Variants in AKIRIN2 observed in about 807,000 individuals in gnomAD.
The protein encoded by AKIRIN2 is akirin-2.
In AKIRIN2, 6 loss-of-function variants were observed where a neutral mutation model predicts 29.3. The observed-to-expected ratio is 0.20, with a 90% CI of 0.11 to 0.40. The LOEUF (loss-of-function observed/expected upper bound fraction) is 0.40. Among genes scored for constraint, AKIRIN2 ranks in the 10% least tolerant of loss-of-function variants. AKIRIN2 has a pLI of 1.00. For missense variants in AKIRIN2, 210 were observed against 276.1 expected (o/e 0.76, Z 1.70); for synonymous variants, 128 against 117.5 (o/e 1.09, Z -0.58).
intron 1 of AKIRIN2, among the ~76,000 whole-genome samples, chr6:87,694,401 G>T (rs1771326985): frequency 6.6e-6 from 1 of 152,154 alleles, no homozygotes. Flanking sequence ...AGCATAAAGT[G>T]CTAGCTAATA....
intron 1 of AKIRIN2, among the ~76,000 whole-genome samples, chr6:87,687,450 A>AAAAAAC (rs1554257469): frequency 2.0e-5 from 3 of 151,258 alleles, no homozygotes; most frequent in African/African-American, 2.4e-5. Context: ...AAAAAAAAAA[A>AAAAAAC]AAAAAACACA....
chr6:87,689,162 A>T (rs189044401), intron 1 of AKIRIN2, among the ~76,000 whole-genome samples: 43 of 152,304 alleles, frequency 2.8e-4, no homozygotes, highest in Non-Finnish European at 4.1e-4. Context: ...AAGCTGAAGA[A>T]CAAAACAATC....
chr6:87,699,536 C>CAA (rs373721525), intron 1 of AKIRIN2, among the ~76,000 whole-genome samples: 2 of 145,120 alleles, frequency 1.4e-5, no homozygotes, highest in African/African-American at 5.0e-5. Flanking sequence ...AAGTAGATGT[C>CAA]AAAAAAAAAA....
chr6:87,697,685 G>C (rs979425115), intron 1 of AKIRIN2, among the ~76,000 whole-genome samples: 3 of 152,208 alleles, frequency 2.0e-5, no homozygotes, highest in African/African-American at 7.2e-5. Context: ...TTGCAGGCAT[G>C]CATCAATGTC....
At chr6:87,699,202 T>G (rs1257998943) in intron 1 of AKIRIN2, among the ~76,000 whole-genome samples, 1 of 152,190 alleles carries the variant, frequency 6.6e-6, no homozygotes, top group African/African-American at 2.4e-5. Flanking sequence ...GAGAAAATTA[T>G]TTCCAAGTTT....
chr6:87,701,876 T>C lies in AKIRIN2; in HGVS notation c.-192A>G. The C allele has an allele frequency of 2.2e-6, 1 of 444,472 alleles. No homozygotes were observed. Among genetic ancestry groups the C allele is most frequent in the Non-Finnish European group, 3.9e-6 (1 of 254,102 alleles). 27.5% of individuals were successfully genotyped at this position (444,472 alleles called of 1,614,324 possible). A position where few individuals can be genotyped will look rare whatever the true frequency, so the allele number is the denominator to read the frequency against. ...GCCGCTGCCTCCGCGGCAGGGGCAG[T>C]GGCCAGGGACGGCCCGGGTGAGAGC... On this transcript the variant is annotated 5_prime_UTR_variant, in exon 1 of 5. Coordinates refer to ENST00000257787, the MANE Select transcript of AKIRIN2 (RefSeq NM_018064.4).
chr6:87,680,706 GCT>G (rs1321577192), intron 2 of AKIRIN2, among the ~76,000 whole-genome samples: 2 of 151,280 alleles, frequency 1.3e-5, no homozygotes, highest in Non-Finnish European at 2.9e-5. Flanking sequence ...ACTATTGATG[GCT>G]CTCTCTCAGC....
At chr6:87,697,185 C>T (rs1266244686) in intron 1 of AKIRIN2, among the ~76,000 whole-genome samples, 10 of 151,982 alleles carry the variant, frequency 6.6e-5, no homozygotes, top group Middle Eastern at 3.4e-3. Flanking sequence ...TGGTGGCGCA[C>T]GCCTGTAATC....
chr6:87,701,759 G>T lies in AKIRIN2; in HGVS notation c.-75C>A. 1 of 1,112,892 alleles carries T rather than the reference G, an allele frequency of 9.0e-7. No individual in the cohort carries two copies. Among genetic ancestry groups the T allele is most frequent in the Non-Finnish European group, 1.2e-6 (1 of 831,746 alleles). The allele number at this position is 1,112,892 out of a possible 1,614,324, so 68.9% of individuals were successfully genotyped here. A position where few individuals can be genotyped will look rare whatever the true frequency, so the allele number is the denominator to read the frequency against. ...ACGAAAGAAGAGGGTGAGGGAAGGG[G>T]TGAAGAGCGGGAACTCGAGGAGAGC... On this transcript the variant is annotated 5_prime_UTR_variant, in exon 1 of 5. Coordinates refer to ENST00000257787, the MANE Select transcript of AKIRIN2 (RefSeq NM_018064.4).
At position 87,675,055 on chromosome 6, in the gene AKIRIN2, C is replaced by CAAAAA. The variant is rs201210849; in HGVS notation, c.*537_*541dup. ...AAGACTGATAGAATAAATAAAACTA[C>CAAAAA]AAAAAAAAAAAAAATCATACAAACC... On this transcript the variant is annotated 3_prime_UTR_variant, in exon 5 of 5. Coordinates refer to ENST00000257787, the MANE Select transcript of AKIRIN2 (RefSeq NM_018064.4). 2 of 132,318 alleles carry CAAAAA rather than the reference C, an allele frequency of 1.5e-5. No homozygotes were observed. Among genetic ancestry groups the CAAAAA allele is most frequent in the African/African-American group, 5.4e-5 (2 of 37,110 alleles). 8.2% of individuals were successfully genotyped at this position (132,318 alleles called of 1,614,324 possible).
At position 87,675,019 on chromosome 6, in the gene AKIRIN2, C is replaced by T. The variant is rs1330896782; in HGVS notation, c.*578G>A. ...GGAAAAAAAAAAATGCAGCAATAAA[C>T]ATTTGTTAAAAAGACTGATAGAATA... is the stretch of plus-strand genomic sequence containing the variant. On this transcript the variant is annotated 3_prime_UTR_variant, in exon 5 of 5. Coordinates refer to ENST00000257787, the MANE Select transcript of AKIRIN2 (RefSeq NM_018064.4). 6.9e-6 allele frequency: 1 copy of T among 144,598 alleles called. No homozygotes were observed. The highest frequency in any genetic ancestry group is 2.2e-4 in the South Asian group (1 of 4,590). 9.0% of individuals were successfully genotyped at this position (144,598 alleles called of 1,614,324 possible).
chr6:87,680,433 T>C (rs1771099869), intron 2 of AKIRIN2, among the ~76,000 whole-genome samples: 1 of 151,926 alleles, frequency 6.6e-6, no homozygotes, highest in Non-Finnish European at 1.5e-5. Flanking sequence ...CCACCATGCC[T>C]AGCTAATTTT....
chr6:87,678,384 C>A (rs1444566823), intron 2 of AKIRIN2, among the ~76,000 whole-genome samples: 1 of 151,948 alleles, frequency 6.6e-6, no homozygotes. Context: ...CACCTGTAAT[C>A]CCAGCTACTC....
At chr6:87,681,330 C>T (rs985299085) in intron 2 of AKIRIN2, among the ~76,000 whole-genome samples, 2 of 152,208 alleles carry the variant, frequency 1.3e-5, no homozygotes, top group Admixed American at 1.3e-4. Flanking sequence ...GCATGAGCCA[C>T]CGTGCCTGGC....
At chr6:87,682,841 G>A (rs1461630458) in intron 1 of AKIRIN2, among the ~76,000 whole-genome samples, 3 of 152,086 alleles carry the variant, frequency 2.0e-5, no homozygotes, top group Non-Finnish European at 4.4e-5. Flanking sequence ...CTGTAACCCT[G>A]GCACTTTGGG....
chr6:87,681,650 C>G lies in AKIRIN2; in HGVS notation c.349G>C (p.Ala117Pro), dbSNP rs780083608. Reference sequence around the variant, plus strand: ...GAAGCTGGTCCACTGAGGAGAAATGCATGTGGCTGTGCATCAGAAGTACAA... The same window carrying G: ...GAAGCTGGTCCACTGAGGAGAAATGGATGTGGCTGTGCATCAGAAGTACAA... Reference protein sequence around the residue: ...PCCTSDAQPHAFLLSGPASPG... With the variant: ...PCCTSDAQPHPFLLSGPASPG... Residue 117 changes from alanine (A) to proline (P), a missense_variant, in exon 2 of 5, where the codon GCA becomes CCA. Physicochemically the swap from Ala to Pro is conservative, Grantham distance 27. Transcript: ENST00000257787. The G allele has an allele frequency of 6.2e-7, 1 of 1,611,952 alleles. No individual in the cohort carries two copies. The highest frequency in any genetic ancestry group is 1.1e-5 in the South Asian group (1 of 90,364).
chr6:87,687,039 A>AT lies in AKIRIN2; in HGVS notation c.236-5277_236-5276insA, dbSNP rs1251026878. The stretch of plus-strand genomic sequence containing the variant: ...CCAGCCAGGCGACAGAGCAAGACTT[A>AT]GACTCAAAAAAAAAAAAAAAAAAAA... On this transcript the variant is annotated intron_variant, in intron 1 of 4. Coordinates refer to ENST00000257787, the MANE Select transcript of AKIRIN2 (RefSeq NM_018064.4). Among the ~76,000 whole-genome samples, 8 of 134,580 alleles carry AT rather than the reference A, an allele frequency of 5.9e-5. No homozygotes were observed. In the Admixed American group the frequency reaches 6.1e-4, roughly 10 times the overall value. 88.3% of individuals were successfully genotyped at this position (134,580 alleles called of 152,430 possible).
Position 87,701,492 on chromosome 6 carries a change from C to G in AKIRIN2, c.193G>C (p.Glu65Gln). ...AASPQKYLRM[E>Q]PSPFGDVSSR... ...GAGACGTCGCCGAAGGGGGATGGCT[C>G]CATTCGGAGATACTTCTGCGGCGAG... The change falls in exon 1 of 5, where the codon GAG (glutamate) becomes CAG (glutamine). Residue 65 changes from glutamate to glutamine, a missense_variant. By Grantham distance (29) the Glu-to-Gln change is conservative (BLOSUM62 2). Around this residue, in one of 2 missense-constraint regions of AKIRIN2, gnomAD observed 199 missense variants for 236.5 expected, o/e 0.84. Transcript: ENST00000257787. The G allele has an allele frequency of 6.7e-7, 1 of 1,496,752 alleles. No homozygotes were observed. The highest frequency in any genetic ancestry group is 8.9e-7 in the Non-Finnish European group (1 of 1,128,592). 92.7% of individuals were successfully genotyped at this position (1,496,752 alleles called of 1,614,324 possible).
At chr6:87,694,974 AAT>A (rs1278156693) in intron 1 of AKIRIN2, among the ~76,000 whole-genome samples, 1 of 152,222 alleles carries the variant, frequency 6.6e-6, no homozygotes, top group Non-Finnish European at 1.5e-5. Context: ...TTCCCTGCTT[AAT>A]ATAGATACAA....
Sources: allele counts gnomAD v4.1 joint callset (sites outside exome capture counted in the v4.1 genomes callset), GRCh38; gene constraint gnomAD v4.1.1; regional missense constraint gnomAD v4.1.1; transcripts MANE v1.5; gene names NCBI Gene and HGNC (gene_info 2026-07-23, HGNC 2026-07-21).